Variants in LYRM1 observed in about 807,000 individuals in gnomAD.
The protein encoded by LYRM1 is LYR motif containing 1, also known as LYR motif-containing protein 1.
In LYRM1, 14 loss-of-function variants were observed where a neutral mutation model predicts 14.9. That is an observed-to-expected ratio of 0.94 (90% CI 0.62 to 1.47). LYRM1 has a LOEUF of 1.47. Among genes scored for constraint, LYRM1 ranks in the 40% most tolerant of loss-of-function variants. The probability of loss-of-function intolerance (pLI) is 0.00; values close to 1 mark genes in which losing one functional copy is unlikely to be tolerated. For missense variants in LYRM1, 153 were observed against 149.9 expected (o/e 1.02, Z -0.11); for synonymous variants, 43 against 56.2 (o/e 0.77, Z 1.05).
chr16:20,924,187 C>T lies in LYRM1; in HGVS notation c.*71C>T. The T allele has an allele frequency of 1.2e-6, 1 of 826,860 alleles. No individual in the cohort carries two copies. The highest frequency in any genetic ancestry group is 2.0e-6 in the Non-Finnish European group (1 of 510,382). 51.2% of individuals were successfully genotyped at this position (826,860 alleles called of 1,614,324 possible). ...TGAATGTAAACCAGATGGCAAAACA[C>T]TTCTTGATTAGGGGCAAAAATTCAA... On this transcript the variant is annotated 3_prime_UTR_variant, in exon 4 of 4. Coordinates refer to ENST00000567954, the MANE Select transcript of LYRM1 (RefSeq NM_001128302.3).
chr16:20,906,190 C>G lies in LYRM1; in HGVS notation c.-1+5301C>G, dbSNP rs184450858. ...TTATGACAGGGGTATGCCAGAGGTG[C>G]CAGGAGTGCACATAGCCGGGACACT... On this transcript the variant is annotated intron_variant, in intron 1 of 3. Coordinates refer to ENST00000567954, the MANE Select transcript of LYRM1 (RefSeq NM_001128302.3). 1.5e-3 allele frequency among the ~76,000 whole-genome samples: 221 copies of G among 152,166 alleles called. 2 individuals carry two copies. Among genetic ancestry groups the G allele is most frequent in the Non-Finnish European group, 1.0e-3 (71 of 68,004 alleles).
chr16:20,922,383 A>G (rs1037398710), intron 3 of LYRM1, among the ~76,000 whole-genome samples: 1 of 152,190 alleles, frequency 6.6e-6, no homozygotes, highest in Non-Finnish European at 1.5e-5. Context: ...GAATGAAGAT[A>G]TGTACATCTA....
chr16:20,921,505 T>C (rs1406889872), intron 3 of LYRM1: 2 of 152,002 alleles, frequency 1.3e-5, no homozygotes, highest in Non-Finnish European at 2.9e-5. Flanking sequence ...GTTCAAGTGA[T>C]TCTCATTCCT....
intron 1 of LYRM1, among the ~76,000 whole-genome samples, chr16:20,909,838 A>T (rs920654960): frequency 6.6e-6 from 1 of 152,238 alleles, no homozygotes; most frequent in Non-Finnish European, 1.5e-5. Context: ...CATTTATTGA[A>T]TACTGATTAT....
At chr16:20,906,862 G>A (rs990928507) in intron 1 of LYRM1, among the ~76,000 whole-genome samples, 2 of 152,182 alleles carry the variant, frequency 1.3e-5, no homozygotes, top group Non-Finnish European at 1.5e-5. Flanking sequence ...AAGTGTCTGG[G>A]TATGCCTTGT....
chr16:20,910,309 T>C (rs1386302504), intron 1 of LYRM1, among the ~76,000 whole-genome samples: 1 of 152,216 alleles, frequency 6.6e-6, no homozygotes, highest in Non-Finnish European at 1.5e-5. Context: ...GACACAATGG[T>C]GAATACAGCT....
chr16:20,916,415 G>C (rs369017591), intron 2 of LYRM1, among the ~76,000 whole-genome samples: 2 of 152,160 alleles, frequency 1.3e-5, no homozygotes, highest in East Asian at 1.9e-4. Flanking sequence ...TCTCCTCACT[G>C]ATCTAATGGA....
At chr16:20,917,081 CA>C (rs1412459891) in intron 2 of LYRM1, among the ~76,000 whole-genome samples, 5 of 150,200 alleles carry the variant, frequency 3.3e-5, no homozygotes, top group Non-Finnish European at 7.4e-5. Flanking sequence ...AGCGTTACTA[CA>C]GAAGCCCTCC....
At chr16:20,905,969 A>G (rs749938880) in intron 1 of LYRM1, among the ~76,000 whole-genome samples, 16 of 152,224 alleles carry the variant, frequency 1.1e-4, no homozygotes, top group Non-Finnish European at 2.2e-4. Context: ...TACGTTATCA[A>G]TGACCATTCT....
At position 20,918,266 on chromosome 16, in the gene LYRM1, G is replaced by A. The variant is rs370770249; in HGVS notation, c.160-1856G>A. 4.2e-4 allele frequency among the ~76,000 whole-genome samples: 64 copies of A among 152,190 alleles called. No homozygotes were observed. In the South Asian group the frequency reaches 6.9e-3, roughly 16 times the overall value. On this transcript the variant is annotated intron_variant, in intron 2 of 3. Transcript: ENST00000567954. ...CACCTGAAGACTACTCAAGAGTTTC[G>A]GTTTTCAGTTATCGCAATAACCCTT...
intron 1 of LYRM1, among the ~76,000 whole-genome samples, chr16:20,904,691 T>TTTTTTGTGTGTGTGTG (rs148224628): frequency 7.1e-6 from 1 of 141,062 alleles, no homozygotes; most frequent in Non-Finnish European, 1.5e-5. Flanking sequence ...AAGTCTGTGG[T>TTTTTTGTGTGTGTGTG]TGTGTGTGTG....
intron 1 of LYRM1, among the ~76,000 whole-genome samples, chr16:20,914,292 T>C (rs941529659): frequency 3.1e-4 from 46 of 147,448 alleles, no homozygotes; most frequent in African/African-American, 1.1e-3. Context: ...TTTTTTTTTT[T>C]TTTTTTTCTT....
chr16:20,908,877 G>A lies in LYRM1; in HGVS notation c.1-6679G>A, dbSNP rs184104681. On this transcript the variant is annotated intron_variant, in intron 1 of 3. Coordinates refer to ENST00000567954, the MANE Select transcript of LYRM1 (RefSeq NM_001128302.3). ...ACAGACAGAAGTATGACATGGCAAGGCACCTTAGAGCAGTAGCTCCCAAAC... is the reference window on the plus strand; with the variant it reads ...ACAGACAGAAGTATGACATGGCAAGACACCTTAGAGCAGTAGCTCCCAAAC... Among the ~76,000 whole-genome samples, 6 of 152,300 alleles carry A rather than the reference G, an allele frequency of 3.9e-5. No homozygotes were observed. In the East Asian group the frequency reaches 1.2e-3, roughly 29 times the overall value.
In LYRM1 at chr16:20,924,717, A is replaced by G. The variant is rs2083369705; in HGVS notation, c.*601A>G. On this transcript the variant is annotated 3_prime_UTR_variant, in exon 4 of 4. Transcript: ENST00000567954. ...TATATTCCTTATCTTAAAGCCTGTC[A>G]TTACTTAGGATGCACTTATAGGATC... 1 of 152,214 alleles carries G rather than the reference A, an allele frequency of 6.6e-6. No homozygotes were observed. 9.4% of individuals were successfully genotyped at this position (152,214 alleles called of 1,614,324 possible).
At position 20,914,240 on chromosome 16, in the gene LYRM1, C is replaced by T. The variant is rs997184454; in HGVS notation, c.1-1316C>T. 4.0e-5 allele frequency among the ~76,000 whole-genome samples: 6 copies of T among 150,788 alleles called. No individual in the cohort carries two copies. The South Asian group carries it at 8.4e-4, about 21-fold the overall frequency. On this transcript the variant is annotated intron_variant, in intron 1 of 3. Transcript: ENST00000567954. ...CTGACAACCTCTGGGTGGAACTGAG[C>T]CTACAGACTCATTTTGTTTGGCCTG...
rs2083370038 is a variant in LYRM1, at chr16:20,924,730, C to T, written c.*614C>T. 6.6e-6 allele frequency: 1 copy of T among 152,158 alleles called. No homozygotes were observed. Among genetic ancestry groups the T allele is most frequent in the African/African-American group, 2.4e-5 (1 of 41,414 alleles). The allele number at this position is 152,158 out of a possible 1,614,324, so 9.4% of individuals were successfully genotyped here. ...TTAAAGCCTGTCATTACTTAGGATG[C>T]ACTTATAGGATCTGAAAAGCTCACT... On this transcript the variant is annotated 3_prime_UTR_variant, in exon 4 of 4. Coordinates refer to ENST00000567954, the MANE Select transcript of LYRM1 (RefSeq NM_001128302.3).
chr16:20,904,387 T>G (rs957607476), intron 1 of LYRM1, among the ~76,000 whole-genome samples: 1 of 152,208 alleles, frequency 6.6e-6, no homozygotes, highest in African/African-American at 2.4e-5. Context: ...AGACATTTTT[T>G]GTTTTGGCCC....
At chr16:20,918,946 G>A (rs929086628) in intron 2 of LYRM1, among the ~76,000 whole-genome samples, 1 of 137,308 alleles carries the variant, frequency 7.3e-6, no homozygotes, top group Non-Finnish European at 1.5e-5. Context: ...GGACAGGAAC[G>A]CCCTTGAAAT....
intron 1 of LYRM1, among the ~76,000 whole-genome samples, chr16:20,912,567 A>G (rs12925568): frequency 0.64 from 96,968 of 151,524 alleles, 32,038 homozygotes; most frequent in Non-Finnish European, 0.73. Flanking sequence ...CACCGCGCCC[A>G]GCCGGCCTTA....
Sources: allele counts gnomAD v4.1 joint callset (sites outside exome capture counted in the v4.1 genomes callset), GRCh38; gene constraint gnomAD v4.1.1; transcripts MANE v1.5; gene names NCBI Gene and HGNC (gene_info 2026-07-23, HGNC 2026-07-21).